The following UVRAG variants were observed in gnomAD, a reference collection of about 807,000 sequenced individuals.
The protein encoded by UVRAG is UV radiation resistance-associated gene protein.
A neutral mutation model predicts 78.0 loss-of-function variants in UVRAG; 19 were observed. The observed-to-expected ratio is 0.24, with a 90% CI of 0.17 to 0.36. UVRAG has a LOEUF of 0.36. Among genes scored for constraint, UVRAG ranks in the 10% least tolerant of loss-of-function variants. UVRAG has a pLI of 1.00. For synonymous variants in UVRAG, 323 were observed against 324.6 expected, an observed-to-expected ratio of 1.00 and a Z score of 0.05; for missense variants, 740 against 853.8, an observed-to-expected ratio of 0.87 and a Z score of 1.66.
At chr11:75,971,283 T>C (rs935838933) in intron 7 of UVRAG, among the ~76,000 whole-genome samples, 14 of 152,360 alleles carry the variant, frequency 9.2e-5, no homozygotes, top group African/African-American at 2.9e-4. Flanking sequence ...GTTTTGGCAA[T>C]TATGAATAAA....
chr11:75,965,255 T>C (rs1948995622), intron 7 of UVRAG, among the ~76,000 whole-genome samples: 1 of 152,248 alleles, frequency 6.6e-6, no homozygotes, highest in African/African-American at 2.4e-5. Context: ...GATTTCTCTC[T>C]AATTCTCTTT....
chr11:76,123,737 A>T (rs901724810), intron 14 of UVRAG, among the ~76,000 whole-genome samples: 11 of 151,892 alleles, frequency 7.2e-5, no homozygotes, highest in Non-Finnish European at 1.5e-4. Flanking sequence ...CTTAATTTTC[A>T]TAAGTTGTTT....
intron 1 of UVRAG, among the ~76,000 whole-genome samples, chr11:75,820,429 A>G (rs1010528235): frequency 2.5e-4 from 38 of 149,476 alleles, no homozygotes; most frequent in Non-Finnish European, 4.4e-4. Context: ...ATCTCCGCTC[A>G]CCGCAACCTC....
intron 3 of UVRAG, among the ~76,000 whole-genome samples, chr11:75,878,744 G>A (rs1004663897): frequency 1.3e-5 from 2 of 152,164 alleles, no homozygotes; most frequent in African/African-American, 4.8e-5. Context: ...GCCTGCAATC[G>A]CAGGCACTCG....
At chr11:75,997,002 AG>A (rs1406715740) in intron 8 of UVRAG, among the ~76,000 whole-genome samples, 16 of 152,344 alleles carry the variant, frequency 1.1e-4, no homozygotes, top group African/African-American at 3.8e-4. Flanking sequence ...ATACTCTCTT[AG>A]CACTAAATGC....
intron 1 of UVRAG, among the ~76,000 whole-genome samples, chr11:75,823,207 T>A (rs1164207195): frequency 6.6e-6 from 1 of 152,174 alleles, no homozygotes; most frequent in Non-Finnish European, 1.5e-5. Context: ...TATTGTAAAT[T>A]GAAGGGCCAC....
chr11:75,877,553 G>T lies in UVRAG; in HGVS notation c.271-2326G>T, dbSNP rs372585982. 6.8e-4 allele frequency among the ~76,000 whole-genome samples: 95 copies of T among 140,348 alleles called. 1 individual carries two copies. Among genetic ancestry groups the T allele is most frequent in the Admixed American group, 6.5e-3 (94 of 14,424 alleles). The allele number at this position is 140,348 out of a possible 152,430, so 92.1% of individuals were successfully genotyped here. A position where few individuals can be genotyped will look rare whatever the true frequency, so the allele number is the denominator to read the frequency against. On this transcript the variant is annotated intron_variant, in intron 3 of 14. Coordinates refer to ENST00000356136, the MANE Select transcript of UVRAG (RefSeq NM_003369.4). The stretch of plus-strand genomic sequence containing the variant: ...TCCCGGACGGGGTGGCTGGCCGGGC[G>T]GGGGGCTGACCCCCCCCACCTCCCT...
rs1472158189 is a variant in UVRAG, at chr11:76,113,384, T to C, written c.1306-2540T>C. On this transcript the variant is annotated intron_variant, in intron 13 of 14. Coordinates refer to ENST00000356136, the MANE Select transcript of UVRAG (RefSeq NM_003369.4). ...AAGAGTGCTAAATTCTCTTCTTTCATGGTGGGAGCATAGTAGATGATGTCT... is the reference window on the plus strand; with the variant it reads ...AAGAGTGCTAAATTCTCTTCTTTCACGGTGGGAGCATAGTAGATGATGTCT... Among the ~76,000 whole-genome samples the C allele has an allele frequency of 3.3e-5, 5 of 152,008 alleles. No homozygotes were observed. The East Asian group carries it at 7.7e-4, about 23-fold the overall frequency.
intron 12 of UVRAG, among the ~76,000 whole-genome samples, chr11:76,043,777 T>C (rs1950695523): frequency 1.3e-5 from 2 of 152,214 alleles, no homozygotes; most frequent in African/African-American, 4.8e-5. Flanking sequence ...GACATACATA[T>C]GTATGTGTTC....
chr11:75,983,317 TGTGA>T lies in UVRAG; in HGVS notation c.700-67_700-64del, dbSNP rs147996191. Reference sequence around the variant, plus strand: ...TAAGCCATTATTTATTTTTAAACATTGTGAGTATGTAATTATTCATAGTCATGAC... The same window carrying T: ...TAAGCCATTATTTATTTTTAAACATTGTATGTAATTATTCATAGTCATGAC... On this transcript the variant is annotated intron_variant, in intron 7 of 14. Transcript: ENST00000356136. The T allele has an allele frequency of 9.3e-4, 1,255 of 1,346,306 alleles. 6 individuals carry two copies. In the African/African-American group the frequency reaches 0.016, roughly 17 times the overall value. 83.4% of individuals were successfully genotyped at this position (1,346,306 alleles called of 1,614,324 possible). A position where few individuals can be genotyped will look rare whatever the true frequency, so the allele number is the denominator to read the frequency against.
intron 3 of UVRAG, among the ~76,000 whole-genome samples, chr11:75,869,542 CTGTT>C (rs1946605595): frequency 6.6e-6 from 1 of 152,124 alleles, no homozygotes; most frequent in Non-Finnish European, 1.5e-5. Context: ...CAACTTCTGT[CTGTT>C]TAACTACATG....
intron 13 of UVRAG, among the ~76,000 whole-genome samples, chr11:76,089,973 G>A (rs1242275203): frequency 6.6e-6 from 1 of 152,142 alleles, no homozygotes; most frequent in Non-Finnish European, 1.5e-5. Flanking sequence ...TGATGGGATA[G>A]GAAGTTGGAC....
At chr11:76,089,398 A>C (rs937538221) in intron 13 of UVRAG, among the ~76,000 whole-genome samples, 3 of 152,160 alleles carry the variant, frequency 2.0e-5, no homozygotes, top group Admixed American at 6.6e-5. Flanking sequence ...TTTTAGATAC[A>C]GTAGTGGCTC....
chr11:76,117,532 G>A (rs1460814213), intron 14 of UVRAG, among the ~76,000 whole-genome samples: 2 of 152,156 alleles, frequency 1.3e-5, no homozygotes, highest in African/African-American at 4.8e-5. Flanking sequence ...TGAGATTTGA[G>A]AATGAAATAA....
At chr11:76,103,240 A>G (rs1200903374) in intron 13 of UVRAG, among the ~76,000 whole-genome samples, 1 of 152,164 alleles carries the variant, frequency 6.6e-6, no homozygotes, top group East Asian at 1.9e-4. Context: ...TGCTGTAAAC[A>G]TAAAATTATC....
chr11:75,880,158 T>A, intron 4 of UVRAG, 118 bp downstream of exon 4: 1 of 1,183,440 alleles, frequency 8.4e-7, no homozygotes, highest in Non-Finnish European at 1.2e-6. Flanking sequence ...TATGACTGTT[T>A]ACTTATATCA....
chr11:75,947,727 T>A (rs1948611630), intron 6 of UVRAG, among the ~76,000 whole-genome samples: 1 of 152,106 alleles, frequency 6.6e-6, no homozygotes, highest in Admixed American at 6.6e-5. Context: ...ACCACGGGCT[T>A]TGGAGTTAAA....
At chr11:75,860,774 A>G (rs764873913) in intron 2 of UVRAG, among the ~76,000 whole-genome samples, 5 of 150,982 alleles carry the variant, frequency 3.3e-5, no homozygotes, top group South Asian at 2.1e-4. Flanking sequence ...TGAGCGTGCA[A>G]TTTCTTTTCT....
intron 7 of UVRAG, among the ~76,000 whole-genome samples, chr11:75,967,104 A>G (rs1198393752): frequency 6.6e-6 from 1 of 152,168 alleles, no homozygotes; most frequent in East Asian, 1.9e-4. Flanking sequence ...GTTCTGACTC[A>G]CCTCCAAAAT....
Sources: gnomAD v4.1 joint callset for allele counts (sites outside exome capture counted in the v4.1 genomes callset) on GRCh38, gnomAD v4.1.1 for gene constraint, MANE v1.5 for transcripts, NCBI Gene and HGNC (gene_info 2026-07-23, HGNC 2026-07-21) for gene names.